SEC24A: variants seen among roughly 807,000 people sequenced by gnomAD.
SEC24A encodes SEC24 homolog A, COPII component.
A neutral mutation model predicts 129.4 loss-of-function variants in SEC24A; 93 were observed. The ratio of observed to expected loss-of-function variants is 0.72; its 90% confidence interval spans 0.61 to 0.85. SEC24A has a LOEUF of 0.85. Ranked by LOEUF, SEC24A falls within the 40% of genes least tolerant of loss-of-function variation. The pLI, the probability that SEC24A is intolerant of heterozygous loss-of-function variation, is 0.00. For missense variants in SEC24A, 1,264 were observed against 1,307.4 expected (o/e 0.97, Z 0.51); for synonymous variants, 460 against 467.3 (o/e 0.98, Z 0.20).
At chr5:134,673,453 GTT>G (rs1750946154) in intron 4 of SEC24A, among the ~76,000 whole-genome samples, 1 of 149,334 alleles carries the variant, frequency 6.7e-6, no homozygotes, top group Non-Finnish European at 1.5e-5. Context: ...TTGTTTTGTT[GTT>G]TTTGTTTTTG....
intron 17 of SEC24A, among the ~76,000 whole-genome samples, chr5:134,706,754 A>C (rs1180700616): frequency 1.3e-5 from 2 of 152,064 alleles, no homozygotes; most frequent in Non-Finnish European, 2.9e-5. Context: ...GCAGTGGCAC[A>C]GTCTCAGCTC....
At chr5:134,720,493 A>G (rs1037788008) in intron 20 of SEC24A, among the ~76,000 whole-genome samples, 3 of 152,134 alleles carry the variant, frequency 2.0e-5, no homozygotes, top group Non-Finnish European at 2.9e-5. Flanking sequence ...TTTCCCCTCC[A>G]TATCTTCCTT....
chr5:134,688,742 C>T (rs1208340639), intron 11 of SEC24A, among the ~76,000 whole-genome samples: 3 of 152,040 alleles, frequency 2.0e-5, no homozygotes, highest in African/African-American at 7.2e-5. Context: ...TGCAGTGGCA[C>T]GATCTTGGCT....
chr5:134,687,727 T>C (rs1751498880), intron 10 of SEC24A, among the ~76,000 whole-genome samples: 1 of 152,234 alleles, frequency 6.6e-6, no homozygotes, highest in Admixed American at 6.5e-5. Context: ...AACAGTTTGT[T>C]CTTCCCCTTA....
At chr5:134,672,249 A>T (rs1210934779) in intron 4 of SEC24A, among the ~76,000 whole-genome samples, 1 of 151,800 alleles carries the variant, frequency 6.6e-6, no homozygotes, top group Non-Finnish European at 1.5e-5. Context: ...GTGCAGTGGC[A>T]GTATCTCGGT....
At chr5:134,700,892 G>A (rs929849140) in intron 15 of SEC24A, among the ~76,000 whole-genome samples, 9 of 151,922 alleles carry the variant, frequency 5.9e-5, no homozygotes, top group African/African-American at 9.7e-5. Flanking sequence ...CTAATTTTTT[G>A]TATTTTTGGT....
chr5:134,658,773 A>G (rs545364621), intron 1 of SEC24A, among the ~76,000 whole-genome samples: 33 of 152,262 alleles, frequency 2.2e-4, no homozygotes, highest in African/African-American at 7.7e-4. Context: ...CAGACGACTT[A>G]TAGGAAGGAT....
At chr5:134,654,262 C>T (rs771624913) in intron 1 of SEC24A, among the ~76,000 whole-genome samples, 1 of 151,636 alleles carries the variant, frequency 6.6e-6, no homozygotes, top group Non-Finnish European at 1.5e-5. Context: ...ACGCTGTCAC[C>T]CAGGCTGGAG....
intron 13 of SEC24A, among the ~76,000 whole-genome samples, chr5:134,695,642 G>A (rs564122699): frequency 1.2e-3 from 190 of 152,046 alleles, no homozygotes; most frequent in African/African-American, 4.2e-3. Context: ...AAAATTAACC[G>A]GGCGTGGTGG....
Position 134,718,083 on chromosome 5 carries a change from C to T in SEC24A, c.2880C>T (p.Ile960=). 6.2e-7 allele frequency: 1 copy of T among 1,613,726 alleles called. No homozygotes were observed. The highest frequency in any genetic ancestry group is 8.5e-7 in the Non-Finnish European group (1 of 1,179,678). Residue 960 remains isoleucine, a synonymous_variant, in exon 20 of 23, where the codon ATC becomes ATT. Transcript: ENST00000398844. ...TAATTCCTCAGGGAGCACTCAACAT[C>T]AGTGATAGAACCATACCTCAGCCCC... ...DNLSDEGALN[I]SDRTIPQPPI... is the part of the protein sequence containing the mutation.
rs1017356316 is a variant in SEC24A, at chr5:134,648,934, T to G, written c.-143T>G. ...CCTGGGGAGAGTGCGGCGCCATGCC[T>G]CGGGCTTAATGCGCCCCCCCCTCTT... is the stretch of plus-strand genomic sequence containing the variant. On this transcript the variant is annotated 5_prime_UTR_variant, in exon 1 of 23. Coordinates refer to ENST00000398844, the MANE Select transcript of SEC24A (RefSeq NM_021982.3). 3.4e-6 allele frequency: 2 copies of G among 586,418 alleles called. No homozygotes were observed. The highest frequency in any genetic ancestry group is 6.1e-6 in the Non-Finnish European group (2 of 328,942). The allele number at this position is 586,418 out of a possible 1,614,324, so 36.3% of individuals were successfully genotyped here.
chr5:134,671,955 T>C (rs1750880547), intron 4 of SEC24A, 69 bp downstream of exon 4: 1 of 917,594 alleles, frequency 1.1e-6, no homozygotes, highest in South Asian at 1.4e-5. Flanking sequence ...GTGGTAATTG[T>C]ACAAATATAT....
intron 20 of SEC24A, among the ~76,000 whole-genome samples, chr5:134,720,219 A>T (rs968860702): frequency 1.3e-5 from 2 of 152,178 alleles, no homozygotes; most frequent in Admixed American, 6.6e-5. Flanking sequence ...ATACAGGTGT[A>T]CTGTTTATCC....
At chr5:134,722,334 G>GT (rs1752650171) in intron 21 of SEC24A, among the ~76,000 whole-genome samples, 1 of 151,914 alleles carries the variant, frequency 6.6e-6, no homozygotes, top group Non-Finnish European at 1.5e-5. Flanking sequence ...TCAAGGCGAG[G>GT]TGGGCGAATG....
At chr5:134,664,641 C>T (rs1031567905) in intron 2 of SEC24A, among the ~76,000 whole-genome samples, 1 of 152,038 alleles carries the variant, frequency 6.6e-6, no homozygotes, top group African/African-American at 2.4e-5. Flanking sequence ...CCCTTTGTTC[C>T]TTTGACTTGT....
intron 7 of SEC24A, among the ~76,000 whole-genome samples, chr5:134,676,604 C>T (rs1201005206): frequency 6.6e-6 from 1 of 151,970 alleles, no homozygotes; most frequent in Non-Finnish European, 1.5e-5. Flanking sequence ...CCACCACACC[C>T]AGCTAATTTT....
At chr5:134,677,998 C>A (rs1751127816) in intron 7 of SEC24A, among the ~76,000 whole-genome samples, 1 of 152,004 alleles carries the variant, frequency 6.6e-6, no homozygotes, top group African/African-American at 2.4e-5. Context: ...CTTACAAAGA[C>A]CCTTCCCACG....
intron 17 of SEC24A, 86 bp downstream of exon 17, chr5:134,705,523 C>T (rs981060487): frequency 9.7e-6 from 8 of 822,042 alleles, no homozygotes; most frequent in Non-Finnish European, 1.6e-5. Context: ...AAATAGTTAG[C>T]TTTATAGTTT....
At chr5:134,679,978 A>G (rs941513669) in intron 8 of SEC24A, among the ~76,000 whole-genome samples, 9 of 152,158 alleles carry the variant, frequency 5.9e-5, no homozygotes, top group African/African-American at 2.2e-4. Context: ...TATTGGGTAT[A>G]TAATAAGTGG....
Sources: gnomAD v4.1 joint callset for allele counts (sites outside exome capture counted in the v4.1 genomes callset) on GRCh38, gnomAD v4.1.1 for gene constraint, MANE v1.5 for transcripts, NCBI Gene and HGNC (gene_info 2026-07-23, HGNC 2026-07-21) for gene names.